The following NFAT5 variants were observed in gnomAD, a reference collection of about 807,000 sequenced individuals.
The protein encoded by NFAT5 is nuclear factor of activated T cells 5, also known as nuclear factor of activated T-cells 5.
A neutral mutation model predicts 166.5 loss-of-function variants in NFAT5; 31 were observed. That is an observed-to-expected ratio of 0.19 (90% confidence interval 0.14 to 0.25). The LOEUF is 0.25. Ranked by LOEUF, NFAT5 falls within the 10% of genes least tolerant of loss-of-function variation. The pLI is 1.00. For missense variants in NFAT5, 1,449 were observed against 1,821.8 expected (o/e 0.80, Z 3.72); for synonymous variants, 612 against 639.7 (o/e 0.96, Z 0.65).
chr16:69,575,435 T>G (rs967102276), intron 2 of NFAT5, among the ~76,000 whole-genome samples: 1 of 152,106 alleles, frequency 6.6e-6, no homozygotes, highest in Admixed American at 6.6e-5. Context: ...CCCAAAGTGC[T>G]GGGATTACAG....
chr16:69,620,329 C>A (rs752902800), intron 2 of NFAT5, among the ~76,000 whole-genome samples: 11 of 152,168 alleles, frequency 7.2e-5, no homozygotes, highest in Non-Finnish European at 1.6e-4. Flanking sequence ...GATACTTAAG[C>A]AGTGCACTTA....
At chr16:69,663,129 G>A (rs1443725752) in intron 7 of NFAT5, among the ~76,000 whole-genome samples, 5 of 152,192 alleles carry the variant, frequency 3.3e-5, no homozygotes, top group African/African-American at 1.2e-4. Flanking sequence ...GAAAAGGAAA[G>A]GGGCCAAAAG....
At chr16:69,628,712 G>A (rs1343238117) in intron 3 of NFAT5, among the ~76,000 whole-genome samples, 1 of 152,144 alleles carries the variant, frequency 6.6e-6, no homozygotes, top group African/African-American at 2.4e-5. Flanking sequence ...TTTCTAGCCA[G>A]AAGGCTAGAT....
Position 69,585,025 on chromosome 16 carries a change from G to A in NFAT5, c.127+16477G>A, listed in dbSNP as rs988738258. Among the ~76,000 whole-genome samples the A allele has an allele frequency of 7.9e-5, 12 of 152,140 alleles. No individual in the cohort carries two copies. The South Asian group carries it at 1.2e-3, about 16-fold the overall frequency. ...TTTATTTTTTATTTTTTGAGGTGGAGTCTCGCTCTGTCGCCATGCTGGAGT... is the reference window on the plus strand; with the variant it reads ...TTTATTTTTTATTTTTTGAGGTGGAATCTCGCTCTGTCGCCATGCTGGAGT... On this transcript the variant is annotated intron_variant, in intron 2 of 14. Coordinates refer to ENST00000349945, the MANE Select transcript of NFAT5 (RefSeq NM_138713.4).
At chr16:69,577,319 C>T (rs1000412338) in intron 2 of NFAT5, among the ~76,000 whole-genome samples, 2 of 152,038 alleles carry the variant, frequency 1.3e-5, no homozygotes, top group Non-Finnish European at 2.9e-5. Context: ...CAACATGGGC[C>T]AGAACCTATG....
At chr16:69,626,239 A>G (rs2034454709) in intron 2 of NFAT5, among the ~76,000 whole-genome samples, 164 bp from the exon 3 acceptor site, 1 of 152,140 alleles carries the variant, frequency 6.6e-6, no homozygotes, top group Admixed American at 6.5e-5. Context: ...GGTGTGAGCC[A>G]CTGTGCTCAG....
At chr16:69,571,928 T>G (rs2016464082) in intron 2 of NFAT5, among the ~76,000 whole-genome samples, 1 of 151,842 alleles carries the variant, frequency 6.6e-6, no homozygotes, top group African/African-American at 2.4e-5. Flanking sequence ...CCCGGCTAAT[T>G]TTTTTTGGAT....
At chr16:69,620,865 T>G (rs1438591360) in intron 2 of NFAT5, among the ~76,000 whole-genome samples, 1 of 152,242 alleles carries the variant, frequency 6.6e-6, no homozygotes, top group Non-Finnish European at 1.5e-5. Context: ...TTAATCCCTT[T>G]TAAGCCTATG....
chr16:69,641,528 T>A (rs1051666158), intron 3 of NFAT5, among the ~76,000 whole-genome samples: 4 of 152,144 alleles, frequency 2.6e-5, no homozygotes, highest in African/African-American at 9.7e-5. Context: ...GCTTGGAAAT[T>A]AAATATCATT....
chr16:69,591,207 C>T (rs1200461261), intron 2 of NFAT5, among the ~76,000 whole-genome samples: 3 of 152,188 alleles, frequency 2.0e-5, no homozygotes, highest in Non-Finnish European at 2.9e-5. Flanking sequence ...GCTGGGATTA[C>T]AGGCATGAGC....
intron 6 of NFAT5, among the ~76,000 whole-genome samples, chr16:69,658,655 C>A: frequency 6.6e-6 from 1 of 151,868 alleles, no homozygotes; most frequent in East Asian, 1.9e-4. Flanking sequence ...TAGTAAGACT[C>A]CGACTGTACT....
In NFAT5 at chr16:69,690,363, G is replaced by A. The variant is rs74755982; in HGVS notation, c.1775-577G>A. 2.6e-4 allele frequency among the ~76,000 whole-genome samples: 39 copies of A among 151,664 alleles called. 1 individual carries two copies. In the East Asian group the frequency reaches 6.9e-3, roughly 27 times the overall value. ...AAAGTCCAGTCTAAAAGAGAATTGTGTCCATGTGTCAACTTGTCATATTCA... is the reference window on the plus strand; with the variant it reads ...AAAGTCCAGTCTAAAAGAGAATTGTATCCATGTGTCAACTTGTCATATTCA... On this transcript the variant is annotated intron_variant, in intron 11 of 14. Transcript: ENST00000349945.
chr16:69,662,759 C>T (rs1024089150), intron 7 of NFAT5, among the ~76,000 whole-genome samples: 6 of 150,814 alleles, frequency 4.0e-5, no homozygotes, highest in African/African-American at 1.2e-4. Context: ...TGCGCCCGGC[C>T]GACAACACCT....
At chr16:69,672,231 TAACA>T (rs2036653039) in intron 9 of NFAT5, among the ~76,000 whole-genome samples, 1 of 152,244 alleles carries the variant, frequency 6.6e-6, no homozygotes, top group African/African-American at 2.4e-5. Flanking sequence ...TAATGGGACT[TAACA>T]AACATTCCTT....
chr16:69,683,167 C>T (rs535363027), intron 10 of NFAT5, among the ~76,000 whole-genome samples: 3 of 152,086 alleles, frequency 2.0e-5, no homozygotes, highest in Non-Finnish European at 4.4e-5. Flanking sequence ...GCTGAGATCG[C>T]GCCACTGCAC....
intron 2 of NFAT5, among the ~76,000 whole-genome samples, chr16:69,615,045 T>TA (rs1412183349): frequency 7.3e-6 from 1 of 137,130 alleles, no homozygotes; most frequent in Non-Finnish European, 1.6e-5. Context: ...CCCAGCTAAA[T>TA]TTTTTTTTTT....
chr16:69,589,648 C>G (rs79704764), intron 2 of NFAT5, among the ~76,000 whole-genome samples: 1 of 152,068 alleles, frequency 6.6e-6, no homozygotes, highest in Non-Finnish European at 1.5e-5. Context: ...GCAGTGTCTA[C>G]CTCAGGATGA....
rs185863476 is a variant in NFAT5 at position 69,686,794 on chromosome 16, C to T, written c.1774+1824C>T. On this transcript the variant is annotated intron_variant, in intron 11 of 14. Transcript: ENST00000349945. ...AGAAGAATTGCTTGAACCCGGGAGGCGGGGATTGCAGTGAGCCGAGATCAT... is the reference window on the plus strand; with the variant it reads ...AGAAGAATTGCTTGAACCCGGGAGGTGGGGATTGCAGTGAGCCGAGATCAT... Among the ~76,000 whole-genome samples the T allele has an allele frequency of 1.4e-4, 22 of 151,820 alleles. No homozygotes were observed. In the East Asian group the frequency reaches 2.1e-3, roughly 15 times the overall value.
At chr16:69,602,709 A>G (rs1402629824) in intron 2 of NFAT5, among the ~76,000 whole-genome samples, 4 of 151,158 alleles carry the variant, frequency 2.6e-5, no homozygotes, top group Admixed American at 1.3e-4. Flanking sequence ...GGCTCAAGCA[A>G]TCCTCCTACT....
Sources: gnomAD v4.1 joint callset for allele counts (sites outside exome capture counted in the v4.1 genomes callset) on GRCh38, gnomAD v4.1.1 for gene constraint, MANE v1.5 for transcripts, NCBI Gene and HGNC (gene_info 2026-07-23, HGNC 2026-07-21) for gene names.